SLC36A1: variants seen among roughly 807,000 people sequenced by gnomAD.
SLC36A1 encodes proton-coupled amino acid transporter 1.
SLC36A1 carries 30 observed loss-of-function variants against 47.5 expected under a neutral mutation model. The observed-to-expected ratio is 0.63, with a 90% CI of 0.47 to 0.86. SLC36A1 has a LOEUF of 0.86. SLC36A1 is among the 40% of genes least tolerant of loss of function. The probability of loss-of-function intolerance (pLI) is 0.00; values close to 1 mark genes in which losing one functional copy is unlikely to be tolerated. For missense variants in SLC36A1, 517 were observed against 606.0 expected, an observed-to-expected ratio of 0.85 and a Z score of 1.54; for synonymous variants, 255 against 249.7, an observed-to-expected ratio of 1.02 and a Z score of -0.20.
the SLC36A1 span, among the ~76,000 whole-genome samples, chr5:151,516,167 A>G: frequency 6.6e-6 from 1 of 152,174 alleles, no homozygotes. Flanking sequence ...ATTATTGCTC[A>G]ATTATTATCT....
At chr5:151,413,198 C>G in the SLC36A1 span, among the ~76,000 whole-genome samples, 39 of 150,520 alleles carry the variant, frequency 2.6e-4, no homozygotes, top group Admixed American at 2.6e-3. Flanking sequence ...TGGTGAAATT[C>G]TGAACAGGGA....
At chr5:151,476,255 G>T (rs778256162) in intron 8 of SLC36A1, among the ~76,000 whole-genome samples, 1 of 152,250 alleles carries the variant, frequency 6.6e-6, no homozygotes, top group African/African-American at 2.4e-5. Context: ...AGGGCCTTCT[G>T]GTTGCCATGT....
chr5:151,392,610 C>G, the SLC36A1 span, among the ~76,000 whole-genome samples: 1 of 152,274 alleles, frequency 6.6e-6, no homozygotes, highest in African/African-American at 2.4e-5. Flanking sequence ...TGTCTTTGTT[C>G]TCATTGGTTT....
At chr5:151,544,543 G>A in the SLC36A1 span, 7 of 1,613,832 alleles carry the variant, frequency 4.3e-6, no homozygotes, top group Non-Finnish European at 5.1e-6. Context: ...TGGACTCCGG[G>A]CCTGGGTGTG....
At chr5:151,481,412 TG>T (rs1191632420) in intron 10 of SLC36A1, among the ~76,000 whole-genome samples, 1 of 152,238 alleles carries the variant, frequency 6.6e-6, no homozygotes, top group East Asian at 1.9e-4. Flanking sequence ...GCAACTTAAA[TG>T]TATTTATGCG....
At chr5:151,501,807 G>A in the SLC36A1 span, among the ~76,000 whole-genome samples, 1 of 148,250 alleles carries the variant, frequency 6.7e-6, no homozygotes, top group Admixed American at 6.6e-5. Flanking sequence ...CAGCTGGACA[G>A]CCACATGCAA....
At chr5:151,465,261 G>A in intron 5 of SLC36A1, 92 bp downstream of exon 5, 1 of 1,015,282 alleles carries the variant, frequency 9.8e-7, no homozygotes, top group Non-Finnish European at 1.6e-6. Flanking sequence ...GTAAAGCGTG[G>A]AAAGAGTGCT....
chr5:151,405,121 T>C, the SLC36A1 span, among the ~76,000 whole-genome samples: 9 of 152,184 alleles, frequency 5.9e-5, no homozygotes, highest in African/African-American at 2.2e-4. Flanking sequence ...CTGAGTTGAT[T>C]TGAAAGACTG....
chr5:151,373,710 T>C, the SLC36A1 span, among the ~76,000 whole-genome samples: 3 of 152,216 alleles, frequency 2.0e-5, no homozygotes, highest in East Asian at 5.8e-4. Context: ...GGTTAAAGTA[T>C]AAAAGATAGT....
At chr5:151,423,923 TA>T in the SLC36A1 span, among the ~76,000 whole-genome samples, 1 of 152,174 alleles carries the variant, frequency 6.6e-6, no homozygotes, top group South Asian at 2.1e-4. Context: ...ACCTTCCTCT[TA>T]ATTTTGCTGT....
the SLC36A1 span, chr5:151,553,441 C>T: frequency 6.5e-7 from 1 of 1,528,918 alleles, no homozygotes; most frequent in Non-Finnish European, 9.0e-7. Context: ...ACAGGAAGAC[C>T]CAAGCAGCCA....
chr5:151,479,401 C>T lies in SLC36A1; in HGVS notation c.1071C>T (p.Ile357=). Residue 357 remains isoleucine (I), a synonymous_variant, in exon 10 of 11, where the codon ATC becomes ATT. Coordinates refer to ENST00000243389, the MANE Select transcript of SLC36A1 (RefSeq NM_078483.4). Reference sequence around the variant, plus strand: ...TCCAGTTCTACGTCCCGGCTGAGATCATCATCCCCTTCTTTGTGTCCCGAG... The same window carrying T: ...TCCAGTTCTACGTCCCGGCTGAGATTATCATCCCCTTCTTTGTGTCCCGAG... The part of the protein sequence containing the change: ...YALQFYVPAE[I]IIPFFVSRAP... 1 of 1,614,224 alleles carries T rather than the reference C, an allele frequency of 6.2e-7. No individual in the cohort carries two copies. The highest frequency in any genetic ancestry group is 1.1e-5 in the South Asian group (1 of 91,078).
intron 8 of SLC36A1, among the ~76,000 whole-genome samples, chr5:151,475,132 A>G (rs1757872264): frequency 6.6e-6 from 1 of 152,174 alleles, no homozygotes; most frequent in African/African-American, 2.4e-5. Flanking sequence ...AGAAACACAA[A>G]TGGTTTCCTG....
chr5:151,553,173 T>C, the SLC36A1 span: 10 of 1,614,174 alleles, frequency 6.2e-6, no homozygotes, highest in South Asian at 1.1e-4. Flanking sequence ...AGGCCTTGCC[T>C]CACCTGAGAT....
the SLC36A1 span, chr5:151,512,567 C>G: frequency 6.2e-7 from 1 of 1,613,708 alleles, no homozygotes; most frequent in Non-Finnish European, 8.5e-7. The surrounding 1 kb of genome is among the most constrained non-coding windows in gnomAD (Gnocchi z 4.1). Context: ...TAGAAACCAC[C>G]CAGACAGTGG....
chr5:151,528,993 T>G, the SLC36A1 span, among the ~76,000 whole-genome samples: 5 of 152,172 alleles, frequency 3.3e-5, no homozygotes, highest in African/African-American at 1.2e-4. Flanking sequence ...TCAGGAGAGA[T>G]AGTTTGGCCG....
At chr5:151,396,082 T>C in the SLC36A1 span, among the ~76,000 whole-genome samples, 1 of 151,974 alleles carries the variant, frequency 6.6e-6, no homozygotes. Context: ...AGTGCTGGGA[T>C]TACAGGCGTG....
At chr5:151,498,808 C>T in the SLC36A1 span, among the ~76,000 whole-genome samples, 2 of 152,350 alleles carry the variant, frequency 1.3e-5, no homozygotes, top group South Asian at 4.1e-4. Context: ...TAAGACCCAG[C>T]TCAGATGGCT....
At chr5:151,532,078 G>A in the SLC36A1 span, 1 of 1,433,878 alleles carries the variant, frequency 7.0e-7, no homozygotes, top group Admixed American at 2.1e-5. Context: ...TCCCATGAAG[G>A]CGGACAAGCT....
Sources: gnomAD v4.1 joint callset for allele counts (sites outside exome capture counted in the v4.1 genomes callset) on GRCh38, gnomAD v4.1.1 for gene constraint, Gnocchi (gnomAD v3.1) non-coding constraint, MANE v1.5 for transcripts, NCBI Gene and HGNC (gene_info 2026-07-23, HGNC 2026-07-21) for gene names.